SOX5: variants seen among roughly 807,000 people sequenced by gnomAD.
SOX5 encodes the protein transcription factor SOX-5.
SOX5 carries 9 observed loss-of-function variants against 92.0 expected under a neutral mutation model. The ratio of observed to expected loss-of-function variants is 0.10; its 90% confidence interval spans 0.06 to 0.17. The LOEUF is 0.17. Among genes scored for constraint, SOX5 ranks in the 10% least tolerant of loss-of-function variants. The probability of loss-of-function intolerance (pLI) is 1.00; values close to 1 mark genes in which losing one functional copy is unlikely to be tolerated. For synonymous variants in SOX5, 344 were observed against 336.3 expected (o/e 1.02, Z -0.25); for missense variants, 642 against 944.5 (o/e 0.68, Z 4.20).
intron 8 of SOX5, among the ~76,000 whole-genome samples, chr12:23,620,454 A>G (rs1230712878): frequency 6.6e-6 from 1 of 152,032 alleles, no homozygotes; most frequent in Admixed American, 6.6e-5. Flanking sequence ...TTACAGAATA[A>G]ATCTATATAT....
chr12:24,247,645 CTT>C (rs11300258), intron 3 of SOX5, among the ~76,000 whole-genome samples: 2,357 of 75,660 alleles, frequency 0.031, 33 homozygotes, highest in South Asian at 0.06. Context: ...TATTTATTTA[CTT>C]TTTTTTTTTT....
Position 24,179,987 on chromosome 12 carries a change from G to A in SOX5, c.-2+33356C>T, listed in dbSNP as rs575534981. 6.6e-4 allele frequency among the ~76,000 whole-genome samples: 99 copies of A among 149,770 alleles called. 2 individuals are homozygous for A. In the South Asian group the frequency reaches 0.02, roughly 30 times the overall value. On this transcript the variant is annotated intron_variant, in intron 4 of 4. Transcript: ENST00000446891. Reference sequence around the variant, plus strand: ...AAAAGTTATGGGACCTCACTCCATTGCCCAGGTTATGCAGTGGTAGTATCA... The same window carrying A: ...AAAAGTTATGGGACCTCACTCCATTACCCAGGTTATGCAGTGGTAGTATCA...
chr12:23,858,579 C>A (rs916909737), intron 2 of SOX5, among the ~76,000 whole-genome samples: 1 of 152,014 alleles, frequency 6.6e-6, no homozygotes, highest in Non-Finnish European at 1.5e-5. Context: ...AAGAGGGAAC[C>A]CTTATACACT....
intron 9 of SOX5, 24 bp from the exon 10 acceptor site, chr12:23,575,862 G>T: frequency 6.6e-7 from 1 of 1,508,656 alleles, no homozygotes; most frequent in Non-Finnish European, 8.9e-7. Context: ...TAGAACATGA[G>T]CTGTGATAAG....
intron 1 of SOX5, among the ~76,000 whole-genome samples, chr12:23,912,971 A>G (rs2097368022): frequency 6.6e-6 from 1 of 152,180 alleles, no homozygotes; most frequent in African/African-American, 2.4e-5. Flanking sequence ...TTATACATTA[A>G]GTGGGTAAAT....
At position 24,307,702 on chromosome 12, in the gene SOX5, G is replaced by A. The variant is rs1211905052; in HGVS notation, c.-173-30390C>T. ...ACATACAAACACAAACACATACATAGCATAATATGGCTCTACAGAGACACA... is the reference window on the plus strand; with the variant it reads ...ACATACAAACACAAACACATACATAACATAATATGGCTCTACAGAGACACA... On this transcript the variant is annotated intron_variant, in intron 2 of 4. Transcript: ENST00000446891. Among the ~76,000 whole-genome samples, 2 of 46,084 alleles carry A rather than the reference G, an allele frequency of 4.3e-5. 1 individual carries two copies. The highest frequency in any genetic ancestry group is 9.9e-5 in the African/African-American group (2 of 20,278). The allele number at this position is 46,084 out of a possible 152,430, so 30.2% of individuals were successfully genotyped here. A position where few individuals can be genotyped will look rare whatever the true frequency, so the allele number is the denominator to read the frequency against.
chr12:23,819,236 T>C (rs925378519), intron 3 of SOX5, among the ~76,000 whole-genome samples: 5 of 152,212 alleles, frequency 3.3e-5, no homozygotes, highest in African/African-American at 1.2e-4. Flanking sequence ...ACAGCTACTA[T>C]GTCACTAGGC....
chr12:24,365,394 T>G (rs1170340779), intron 2 of SOX5, among the ~76,000 whole-genome samples: 1 of 152,094 alleles, frequency 6.6e-6, no homozygotes, highest in Non-Finnish European at 1.5e-5. Context: ...AGAGCTACTC[T>G]TGTCTTCACC....
intron 13 of SOX5, 73 bp downstream of exon 13, chr12:23,543,138 T>C (rs1942439013): frequency 2.4e-6 from 3 of 1,269,632 alleles, no homozygotes; most frequent in Non-Finnish European, 2.2e-6. Context: ...AAATCCAGGA[T>C]CCTTCCACAA....
intron 3 of SOX5, among the ~76,000 whole-genome samples, chr12:24,249,932 A>G (rs1209265267): frequency 6.6e-6 from 1 of 152,192 alleles, no homozygotes; most frequent in African/African-American, 2.4e-5. Flanking sequence ...GAAGGAAGGG[A>G]AATAGTATCA....
intron 1 of SOX5, among the ~76,000 whole-genome samples, chr12:24,426,376 G>A (rs1272579529): frequency 6.6e-6 from 1 of 152,296 alleles, no homozygotes; most frequent in African/African-American, 2.4e-5. Flanking sequence ...AAGTTGATGG[G>A]TGCAGCAAAC....
chr12:23,634,318 C>T (rs1342094354), intron 8 of SOX5, among the ~76,000 whole-genome samples: 2 of 151,968 alleles, frequency 1.3e-5, no homozygotes, highest in Non-Finnish European at 2.9e-5. Context: ...ATGACTAGTG[C>T]TATAGAGAAA....
At chr12:24,196,607 A>G (rs1957033715) in intron 4 of SOX5, among the ~76,000 whole-genome samples, 1 of 152,080 alleles carries the variant, frequency 6.6e-6, no homozygotes, top group African/African-American at 2.4e-5. Flanking sequence ...TCTCTTGTTT[A>G]TATTCAAACT....
intron 4 of SOX5, among the ~76,000 whole-genome samples, chr12:24,166,511 C>A (rs555580677): frequency 6.6e-6 from 1 of 152,080 alleles, no homozygotes; most frequent in Non-Finnish European, 1.5e-5. Context: ...ACAACTTTAG[C>A]CCCCCTAATT....
chr12:23,900,166 T>C (rs2097216417), intron 1 of SOX5, among the ~76,000 whole-genome samples: 1 of 152,090 alleles, frequency 6.6e-6, no homozygotes, highest in African/African-American at 2.4e-5. Context: ...GGAATATGGA[T>C]CAAATCCCAA....
At chr12:24,078,460 A>C (rs35518387) in intron 4 of SOX5, among the ~76,000 whole-genome samples, 14,543 of 152,106 alleles carry the variant, frequency 0.096, 743 homozygotes, top group Non-Finnish European at 0.11. Flanking sequence ...TATTGGAGTG[A>C]GAGAGATAAG....
chr12:23,560,258 A>G (rs1191947524), intron 11 of SOX5, among the ~76,000 whole-genome samples: 3 of 152,198 alleles, frequency 2.0e-5, no homozygotes, highest in Non-Finnish European at 4.4e-5. Context: ...TTGGGATTCA[A>G]GTGATATAAG....
chr12:23,547,904 G>A (rs1017993649), intron 11 of SOX5, among the ~76,000 whole-genome samples: 1 of 151,994 alleles, frequency 6.6e-6, no homozygotes, highest in East Asian at 1.9e-4. Flanking sequence ...CTTTTGCTGA[G>A]AGAGTCGGCT....
At chr12:23,967,799 T>C (rs948823268) in intron 4 of SOX5, among the ~76,000 whole-genome samples, 2 of 152,180 alleles carry the variant, frequency 1.3e-5, no homozygotes, top group African/African-American at 2.4e-5. Flanking sequence ...CCTGTCTGTA[T>C]CCTCTGATTG....
Sources: gnomAD v4.1 joint callset for allele counts (sites outside exome capture counted in the v4.1 genomes callset) on GRCh38, gnomAD v4.1.1 for gene constraint, MANE v1.5 for transcripts, NCBI Gene and HGNC (gene_info 2026-07-23, HGNC 2026-07-21) for gene names.